Variants in ZNF541 observed in about 807,000 individuals in gnomAD.
ZNF541 encodes the protein zinc finger protein 541.
A neutral mutation model predicts 123.5 loss-of-function variants in ZNF541; 23 were observed. The ratio of observed to expected loss-of-function variants is 0.19; its 90% CI spans 0.13 to 0.26. The LOEUF (loss-of-function observed/expected upper bound fraction) is 0.26. Ranked by LOEUF, ZNF541 falls within the 10% of genes least tolerant of loss-of-function variation. ZNF541 has a pLI of 1.00. For missense variants in ZNF541, 1,612 were observed against 1,789.9 expected, an observed-to-expected ratio of 0.90 and a Z score of 1.79; for synonymous variants, 751 against 754.5, an observed-to-expected ratio of 1.00 and a Z score of 0.08.
chr19:47,536,058 G>A (rs1409087964), intron 9 of ZNF541, among the ~76,000 whole-genome samples: 3 of 152,218 alleles, frequency 2.0e-5, no homozygotes, highest in Admixed American at 2.0e-4. Flanking sequence ...AAAATATAGG[G>A]ATATGTCTGG....
intron 5 of ZNF541, among the ~76,000 whole-genome samples, chr19:47,542,917 C>T (rs1970144807): frequency 6.6e-6 from 1 of 152,016 alleles, no homozygotes; most frequent in South Asian, 2.1e-4. Flanking sequence ...GCATTCCAGC[C>T]TGGGCGACAG....
chr19:47,540,780 C>T, intron 6 of ZNF541, 113 bp downstream of exon 6: 1 of 1,087,366 alleles, frequency 9.2e-7, no homozygotes, highest in Non-Finnish European at 1.3e-6. Context: ...AGGCTGTACC[C>T]TAATCCCATT....
intron 2 of ZNF541, among the ~76,000 whole-genome samples, chr19:47,565,206 G>A (rs1568523778): frequency 6.6e-6 from 1 of 152,048 alleles, no homozygotes; most frequent in Admixed American, 6.6e-5. Context: ...TGGGTTCAAT[G>A]TATACTGCTT....
In ZNF541 at chr19:47,544,387, T is replaced by C. The variant is rs1355830059; in HGVS notation, c.2142A>G (p.Pro714=). ...GGEEPPGASL[P]GKQAPAENGA... ...CATTCTCGGCTGGGGCCTGCTTCCCTGGCAGCGAGGCTCCTGGTGGCTCCT... is the reference window on the plus strand; with the variant it reads ...CATTCTCGGCTGGGGCCTGCTTCCCCGGCAGCGAGGCTCCTGGTGGCTCCT... The change falls in exon 5 of 17, where the codon CCA becomes CCG. Residue 714 remains proline (P), a synonymous_variant. Coordinates refer to ENST00000391901, the MANE Select transcript of ZNF541 (RefSeq NM_001277075.3). 2.2e-5 allele frequency: 34 copies of C among 1,551,524 alleles called. No individual in the cohort carries two copies. The highest frequency in any genetic ancestry group is 1.7e-4 in the Middle Eastern group (1 of 6,014).
Position 47,559,557 on chromosome 19 carries a change from AG to A in ZNF541, c.-98-3604del, listed in dbSNP as rs1023066138. On this transcript the variant is annotated intron_variant, in intron 2 of 16. Transcript: ENST00000391901. ...AGCAACCAAGCAAACCCTAAGAAAAAGGTGACTTTGATGTTTGATTACAGGC... is the reference window on the plus strand; with the variant it reads ...AGCAACCAAGCAAACCCTAAGAAAAAGTGACTTTGATGTTTGATTACAGGC... Among the ~76,000 whole-genome samples, 31 of 151,712 alleles carry A rather than the reference AG, an allele frequency of 2.0e-4. 1 individual carries two copies. Among genetic ancestry groups the A allele is most frequent in the Admixed American group, 1.8e-3 (28 of 15,252 alleles).
At chr19:47,562,722 CAGA>C (rs1971114579) in intron 2 of ZNF541, among the ~76,000 whole-genome samples, 1 of 152,148 alleles carries the variant, frequency 6.6e-6, no homozygotes, top group Admixed American at 6.5e-5. Flanking sequence ...CAAATGGAAT[CAGA>C]TGACCTGTGG....
At chr19:47,566,779 C>T (rs1055850893) in intron 2 of ZNF541, among the ~76,000 whole-genome samples, 37 of 149,792 alleles carry the variant, frequency 2.5e-4, no homozygotes, top group Non-Finnish European at 3.7e-4. Flanking sequence ...AGGCCAGGTG[C>T]GGTGGCTCAC....
At chr19:47,541,509 G>A (rs1235562679) in intron 5 of ZNF541, among the ~76,000 whole-genome samples, 2 of 152,198 alleles carry the variant, frequency 1.3e-5, no homozygotes, top group East Asian at 3.8e-4. Flanking sequence ...AAGAATATTT[G>A]CAAGTCATGT....
chr19:47,538,576 T>C, intron 8 of ZNF541, 137 bp from the exon 9 acceptor site: 1 of 901,168 alleles, frequency 1.1e-6, no homozygotes, highest in Non-Finnish European at 1.6e-6. Flanking sequence ...CAAAGGAGGC[T>C]GGCCACACCT....
intron 5 of ZNF541, among the ~76,000 whole-genome samples, chr19:47,543,845 T>A (rs928300121): frequency 2.0e-5 from 3 of 152,054 alleles, no homozygotes; most frequent in Non-Finnish European, 4.4e-5. Flanking sequence ...GGTTTCGCCA[T>A]GTTGCCTAGG....
At chr19:47,529,129 G>T (rs1969444829) in intron 13 of ZNF541, 91 bp from the exon 14 acceptor site, 2 of 931,400 alleles carry the variant, frequency 2.1e-6, no homozygotes, top group South Asian at 1.5e-5. Flanking sequence ...ATTTATAGCT[G>T]CCATTACTGA....
chr19:47,565,692 C>T (rs1227452987), intron 2 of ZNF541, among the ~76,000 whole-genome samples: 1 of 152,130 alleles, frequency 6.6e-6, no homozygotes, highest in African/African-American at 2.4e-5. Flanking sequence ...GTATCCCTCT[C>T]ATTAAATTAA....
chr19:47,535,932 A>G (rs750791074), intron 9 of ZNF541, among the ~76,000 whole-genome samples: 5 of 152,198 alleles, frequency 3.3e-5, no homozygotes, highest in Non-Finnish European at 7.3e-5. Flanking sequence ...CAGAGCTAAG[A>G]GCCCTGAACA....
intron 2 of ZNF541, among the ~76,000 whole-genome samples, chr19:47,559,552 G>GA (rs1970976498): frequency 6.6e-6 from 1 of 151,564 alleles, no homozygotes; most frequent in Non-Finnish European, 1.5e-5. Context: ...CAAACCCTAA[G>GA]AAAAAGGTGA....
intron 9 of ZNF541, among the ~76,000 whole-genome samples, chr19:47,533,249 G>A (rs1365112652): frequency 6.6e-6 from 1 of 151,178 alleles, no homozygotes; most frequent in Admixed American, 6.6e-5. Flanking sequence ...GTGGGTGCCT[G>A]TAGTCCCAGC....
intron 2 of ZNF541, among the ~76,000 whole-genome samples, chr19:47,559,384 GA>G (rs1568518179): frequency 3.3e-5 from 5 of 150,398 alleles, no homozygotes; most frequent in African/African-American, 9.8e-5. Context: ...AAAAAAGAAA[GA>G]AAGAAAAGAA....
intron 3 of ZNF541, among the ~76,000 whole-genome samples, chr19:47,550,038 G>A (rs565020774): frequency 2.8e-4 from 42 of 152,180 alleles, no homozygotes; most frequent in Middle Eastern, 6.8e-3. Flanking sequence ...GATCATTTGA[G>A]GTCAGGAGTT....
intron 4 of ZNF541, 103 bp from the exon 5 acceptor site, chr19:47,546,083 C>CA: frequency 9.7e-7 from 1 of 1,028,120 alleles, no homozygotes; most frequent in African/African-American, 1.6e-5. Context: ...AGTTGCACCA[C>CA]AATTCAGAAA....
intron 3 of ZNF541, among the ~76,000 whole-genome samples, chr19:47,552,939 T>C (rs967819550): frequency 6.7e-6 from 1 of 150,090 alleles, no homozygotes; most frequent in Non-Finnish European, 1.5e-5. Context: ...TGAAACCCCG[T>C]CTCTACTAAA....
Sources: allele counts gnomAD v4.1 joint callset (sites outside exome capture counted in the v4.1 genomes callset), GRCh38; gene constraint gnomAD v4.1.1; transcripts MANE v1.5; gene names NCBI Gene and HGNC (gene_info 2026-07-23, HGNC 2026-07-21).